The following GRIN2B variants were observed in gnomAD, a reference collection of about 807,000 sequenced individuals.
GRIN2B encodes the protein glutamate receptor ionotropic, NMDA 2B.
Under a neutral mutation model 114.5 loss-of-function variants are expected in GRIN2B, and 5 were observed. The observed-to-expected ratio is 0.04, with a 90% CI of 0.02 to 0.09. The LOEUF is 0.09. Ranked by LOEUF, GRIN2B falls within the 10% of genes least tolerant of loss-of-function variation. The probability of loss-of-function intolerance (pLI) is 1.00; values close to 1 mark genes in which losing one functional copy is unlikely to be tolerated. For synonymous variants in GRIN2B, 787 were observed against 745.1 expected (o/e 1.06, Z -0.92); for missense variants, 1,108 against 1,943.5 (o/e 0.57, Z 8.08).
chr12:13,958,827 C>A, intron 2 of GRIN2B, among the ~76,000 whole-genome samples: 1 of 152,148 alleles, frequency 6.6e-6, no homozygotes, highest in Non-Finnish European at 1.5e-5. Flanking sequence ...ATTTTAAAGT[C>A]ACCCATAAAA....
At chr12:13,843,040 TA>T (rs1865409643) in intron 3 of GRIN2B, among the ~76,000 whole-genome samples, 9 of 146,528 alleles carry the variant, frequency 6.1e-5, no homozygotes, top group African/African-American at 9.9e-5. Context: ...TTTATTTATT[TA>T]TTTATTTATT....
chr12:13,969,682 C>A (rs1393423934), intron 2 of GRIN2B, among the ~76,000 whole-genome samples: 2 of 152,214 alleles, frequency 1.3e-5, no homozygotes, highest in South Asian at 2.1e-4. Flanking sequence ...AATTCCAGGA[C>A]CTTCTCACTC....
At position 13,549,108 on chromosome 12, in the gene GRIN2B, T is replaced by TAAAG. The variant is rs1230887910; in HGVS notation, c.*13671_*13674dup. ...CCAAAATTTCTTCTGCAGCCCAAAC[T>TAAAG]AAAGATACTAAAATCTTTGGAAAGA... On this transcript the variant is annotated 3_prime_UTR_variant, in exon 14 of 14. Coordinates refer to ENST00000609686, the MANE Select transcript of GRIN2B (RefSeq NM_000834.5). 1 of 152,190 alleles carries TAAAG rather than the reference T, an allele frequency of 6.6e-6. No homozygotes were observed. The highest frequency in any genetic ancestry group is 1.5e-5 in the Non-Finnish European group (1 of 68,026). The allele number at this position is 152,190 out of a possible 1,614,324, so 9.4% of individuals were successfully genotyped here. A position where few individuals can be genotyped will look rare whatever the true frequency, so the allele number is the denominator to read the frequency against.
At chr12:13,850,023 C>T (rs1036639013) in intron 3 of GRIN2B, among the ~76,000 whole-genome samples, 1 of 152,134 alleles carries the variant, frequency 6.6e-6, no homozygotes, top group East Asian at 1.9e-4. Context: ...ACAATAGATG[C>T]TGAAGGACCA....
At chr12:13,766,570 C>T (rs577029714) in intron 3 of GRIN2B, among the ~76,000 whole-genome samples, 3 of 152,202 alleles carry the variant, frequency 2.0e-5, no homozygotes, top group African/African-American at 4.8e-5. Context: ...TAGAGTATCA[C>T]GTCCAAATCA....
At chr12:13,714,168 A>T (rs1222734476) in intron 4 of GRIN2B, among the ~76,000 whole-genome samples, 13 of 151,364 alleles carry the variant, frequency 8.6e-5, no homozygotes, top group Non-Finnish European at 1.8e-4. Flanking sequence ...ACCACTCCTG[A>T]TGGATTGGAG....
At chr12:13,937,171 A>T (rs2136830941) in intron 2 of GRIN2B, among the ~76,000 whole-genome samples, 1 of 150,178 alleles carries the variant, frequency 6.7e-6, no homozygotes, top group South Asian at 2.1e-4. Flanking sequence ...AATCTAACAT[A>T]TATATATATA....
chr12:13,796,194 G>A (rs1161129136), intron 3 of GRIN2B, among the ~76,000 whole-genome samples: 4 of 151,830 alleles, frequency 2.6e-5, no homozygotes, highest in East Asian at 1.9e-4. Flanking sequence ...AAGCATAAAC[G>A]AAAATGTAGA....
Position 13,571,410 on chromosome 12 carries a change from A to G in GRIN2B, c.2171+394T>C, listed in dbSNP as rs182594469. ...CTGTTAATTATCTAAAAACATTTAC[A>G]CTTTCCCCCTTTTATTTCTCCCTTG... On this transcript the variant is annotated intron_variant, in intron 11 of 13. Transcript: ENST00000609686. 2.0e-5 allele frequency among the ~76,000 whole-genome samples: 3 copies of G among 152,314 alleles called. No homozygotes were observed. The East Asian group carries it at 5.8e-4, about 29-fold the overall frequency.
At chr12:13,762,242 A>G (rs1334151330) in intron 3 of GRIN2B, among the ~76,000 whole-genome samples, 1 of 152,136 alleles carries the variant, frequency 6.6e-6, no homozygotes, top group African/African-American at 2.4e-5. Flanking sequence ...TGACCTCGTG[A>G]TCCTCCCACC....
intron 2 of GRIN2B, among the ~76,000 whole-genome samples, chr12:13,880,953 A>G (rs963279212): frequency 9.2e-5 from 14 of 152,088 alleles, no homozygotes; most frequent in African/African-American, 3.4e-4. Flanking sequence ...TTCAGTTTTC[A>G]AATTCTCTTG....
intron 3 of GRIN2B, among the ~76,000 whole-genome samples, chr12:13,810,573 A>G (rs762024045): frequency 1.6e-4 from 25 of 151,986 alleles, no homozygotes; most frequent in Non-Finnish European, 3.2e-4. Context: ...GAGCCTGTAT[A>G]TTTTTCCAGC....
At chr12:13,893,533 T>A (rs1866302496) in intron 2 of GRIN2B, among the ~76,000 whole-genome samples, 1 of 152,186 alleles carries the variant, frequency 6.6e-6, no homozygotes, top group South Asian at 2.1e-4. Flanking sequence ...AAATTATTTG[T>A]TTAATCATTA....
chr12:13,918,683 A>G (rs1046412772), intron 2 of GRIN2B, among the ~76,000 whole-genome samples: 5 of 152,204 alleles, frequency 3.3e-5, no homozygotes, highest in Non-Finnish European at 7.3e-5. Context: ...AATGTATTAA[A>G]GGGATGGTTA....
Position 13,916,712 on chromosome 12 carries a change from T to TACACACACACAC in GRIN2B, c.-18-50498_-18-50487dup, listed in dbSNP as rs1156830012. 5.9e-3 allele frequency among the ~76,000 whole-genome samples: 569 copies of TACACACACACAC among 96,934 alleles called. 5 individuals are homozygous for TACACACACACAC. The highest frequency in any genetic ancestry group is 0.021 in the African/African-American group (542 of 25,986). The allele number at this position is 96,934 out of a possible 152,430, so 63.6% of individuals were successfully genotyped here. On this transcript the variant is annotated intron_variant, in intron 2 of 13. Coordinates refer to ENST00000609686, the MANE Select transcript of GRIN2B (RefSeq NM_000834.5). ...CTCTCTCTCTCCATACATATACATA[T>TACACACACACAC]ACACACACACACACACACACACATT...
At chr12:13,710,715 T>G (rs900839266) in intron 4 of GRIN2B, among the ~76,000 whole-genome samples, 6 of 151,914 alleles carry the variant, frequency 3.9e-5, no homozygotes, top group African/African-American at 1.5e-4. Flanking sequence ...CACTGCTCAA[T>G]GAAATAAAAG....
chr12:13,634,231 T>C (rs887080483), intron 5 of GRIN2B: 19 of 152,234 alleles, frequency 1.2e-4, no homozygotes, highest in African/African-American at 4.6e-4. Context: ...CAGATTCTGC[T>C]TTCCAGGAGC....
chr12:13,728,578 A>G (rs1272141289), intron 4 of GRIN2B, among the ~76,000 whole-genome samples: 2 of 152,138 alleles, frequency 1.3e-5, no homozygotes, highest in Non-Finnish European at 2.9e-5. Context: ...GAAAAAGGCC[A>G]AAGAGGGGAG....
chr12:13,756,596 G>A (rs893144646), intron 3 of GRIN2B, among the ~76,000 whole-genome samples: 12 of 152,346 alleles, frequency 7.9e-5, no homozygotes, highest in Admixed American at 4.6e-4. Context: ...AGTGGTTATA[G>A]CAAAGTGAAG....
Sources: gnomAD v4.1 joint callset for allele counts (sites outside exome capture counted in the v4.1 genomes callset) on GRCh38, gnomAD v4.1.1 for gene constraint, MANE v1.5 for transcripts, NCBI Gene and HGNC (gene_info 2026-07-23, HGNC 2026-07-21) for gene names.